KCNC2: variants seen among roughly 807,000 people sequenced by gnomAD.
The protein encoded by KCNC2 is voltage-gated potassium channel KCNC2.
Under a neutral mutation model 44.5 loss-of-function variants are expected in KCNC2, and 21 were observed. The observed-to-expected ratio is 0.47, with a 90% CI of 0.33 to 0.68. The LOEUF (loss-of-function observed/expected upper bound fraction) is 0.68, where lower values mean the gene tolerates loss of function less well. KCNC2 is among the 30% of genes least tolerant of loss of function. The pLI, the probability that KCNC2 is intolerant of heterozygous loss-of-function variation, is 0.01. For missense variants in KCNC2, 589 were observed against 826.2 expected, an observed-to-expected ratio of 0.71 and a Z score of 3.52; for synonymous variants, 391 against 339.1, an observed-to-expected ratio of 1.15 and a Z score of -1.68.
chr12:75,171,971 T>C (rs764819018), intron 2 of KCNC2, among the ~76,000 whole-genome samples: 8 of 151,720 alleles, frequency 5.3e-5, no homozygotes, highest in Non-Finnish European at 8.8e-5. Flanking sequence ...GGATGTTATC[T>C]GCAAACCTGC....
At chr12:75,127,115 A>G (rs1888482865) in intron 2 of KCNC2, among the ~76,000 whole-genome samples, 1 of 152,174 alleles carries the variant, frequency 6.6e-6, no homozygotes, top group Admixed American at 6.5e-5. Flanking sequence ...AGAGTTATGA[A>G]TGGGAACTCA....
At chr12:75,055,125 G>A (rs1158947783) in intron 2 of KCNC2, among the ~76,000 whole-genome samples, 1 of 151,916 alleles carries the variant, frequency 6.6e-6, no homozygotes, top group African/African-American at 2.4e-5. Flanking sequence ...GGACTAGACT[G>A]GCATCATATT....
At position 75,118,574 on chromosome 12, in the gene KCNC2, A is replaced by G. The variant is rs538561754; in HGVS notation, c.688-67257T>C. 4.6e-5 allele frequency among the ~76,000 whole-genome samples: 7 copies of G among 152,200 alleles called. No homozygotes were observed. In the East Asian group the frequency reaches 1.4e-3, roughly 30 times the overall value. On this transcript the variant is annotated intron_variant, in intron 2 of 4. Coordinates refer to ENST00000549446, the MANE Select transcript of KCNC2 (RefSeq NM_139137.4). ...GCTGGCAAAGAGCAGAAAGAAGACC[A>G]GTGGGGCCAGAATGCTGTGAGGAAG...
intron 2 of KCNC2, among the ~76,000 whole-genome samples, chr12:75,158,698 C>T (rs12824008): frequency 6.6e-6 from 1 of 151,092 alleles, no homozygotes; most frequent in South Asian, 2.1e-4. Context: ...ATTTTTTTTT[C>T]CCAAAAAACC....
intron 2 of KCNC2, among the ~76,000 whole-genome samples, chr12:75,170,491 A>G (rs940484476): frequency 2.6e-5 from 4 of 151,800 alleles, no homozygotes; most frequent in Non-Finnish European, 4.4e-5. Flanking sequence ...CACTCAATTT[A>G]CAGATGAAAA....
In KCNC2 at chr12:75,041,239, A is replaced by G. The variant is rs1879868345; in HGVS notation, c.*1866T>C. The G allele has an allele frequency of 6.3e-7, 1 of 1,592,592 alleles. No individual in the cohort carries two copies. The highest frequency in any genetic ancestry group is 1.3e-5 in the African/African-American group (1 of 74,696). ...CAATAACAGCAGCACCAGACAGCAT[A>G]TTAATTCTTTTACCATAAATTTGTG... On this transcript the variant is annotated 3_prime_UTR_variant, in exon 5 of 5. Transcript: ENST00000549446.
At chr12:75,157,493 C>G (rs1378477487) in intron 2 of KCNC2, among the ~76,000 whole-genome samples, 1 of 151,890 alleles carries the variant, frequency 6.6e-6, no homozygotes, top group Non-Finnish European at 1.5e-5. Context: ...CAATCTCTAA[C>G]TAATAGATTT....
intron 2 of KCNC2, among the ~76,000 whole-genome samples, chr12:75,201,997 C>T (rs1200041949): frequency 6.6e-6 from 1 of 151,826 alleles, no homozygotes; most frequent in Non-Finnish European, 1.5e-5. Flanking sequence ...GAATACAATA[C>T]TTGAAAATGA....
chr12:75,092,797 T>A (rs537519115), intron 2 of KCNC2, among the ~76,000 whole-genome samples: 1 of 151,704 alleles, frequency 6.6e-6, no homozygotes, highest in Non-Finnish European at 1.5e-5. Context: ...TATGAAGTAT[T>A]ACATTTCAGT....
chr12:75,112,411 CT>C (rs1453985102), intron 2 of KCNC2, among the ~76,000 whole-genome samples: 1 of 151,980 alleles, frequency 6.6e-6, no homozygotes, highest in Non-Finnish European at 1.5e-5. Flanking sequence ...AAGTTCTGTG[CT>C]TTTTTTCTTA....
chr12:75,203,698 A>G (rs2031473682), intron 2 of KCNC2, among the ~76,000 whole-genome samples: 2 of 151,954 alleles, frequency 1.3e-5, no homozygotes, highest in Admixed American at 1.3e-4. Context: ...GGAAGAGCCA[A>G]CATTCTAAAA....
At chr12:75,188,221 A>C (rs891201011) in intron 2 of KCNC2, among the ~76,000 whole-genome samples, 1 of 152,316 alleles carries the variant, frequency 6.6e-6, no homozygotes, top group South Asian at 2.1e-4. Context: ...CTGTTTCAAA[A>C]ATTAGAATTA....
intron 2 of KCNC2, among the ~76,000 whole-genome samples, chr12:75,169,434 T>A (rs1222162185): frequency 6.6e-6 from 1 of 151,562 alleles, no homozygotes; most frequent in Non-Finnish European, 1.5e-5. Flanking sequence ...CATTTAAGTG[T>A]GCAAAATGAT....
At chr12:75,082,607 C>T (rs1169142459) in intron 2 of KCNC2, among the ~76,000 whole-genome samples, 2 of 149,128 alleles carry the variant, frequency 1.3e-5, no homozygotes, top group African/African-American at 2.5e-5. Flanking sequence ...TGCAGTGCTG[C>T]TTTTCACAGT....
At chr12:75,201,097 C>T (rs1007190947) in intron 2 of KCNC2, among the ~76,000 whole-genome samples, 1 of 150,838 alleles carries the variant, frequency 6.6e-6, no homozygotes, top group African/African-American at 2.4e-5. Context: ...GGTTTCATGA[C>T]AGAGCCACAG....
chr12:75,194,599 A>C lies in KCNC2; in HGVS notation c.687+12698T>G, dbSNP rs567143285. Among the ~76,000 whole-genome samples, 49 of 152,302 alleles carry C rather than the reference A, an allele frequency of 3.2e-4. No individual in the cohort carries two copies. In the South Asian group the frequency reaches 4.6e-3, roughly 14 times the overall value. ...TAAGTGCTATAATACAATGTCTATA[A>C]AGTGACGTGGAAACTCAGAGAGAGA... On this transcript the variant is annotated intron_variant, in intron 2 of 4. Coordinates refer to ENST00000549446, the MANE Select transcript of KCNC2 (RefSeq NM_139137.4).
At chr12:75,126,078 T>C (rs1888402265) in intron 2 of KCNC2, among the ~76,000 whole-genome samples, 1 of 152,160 alleles carries the variant, frequency 6.6e-6, no homozygotes, top group Non-Finnish European at 1.5e-5. Flanking sequence ...CTGATGAGCT[T>C]ATGAGCAAAA....
intron 2 of KCNC2, among the ~76,000 whole-genome samples, chr12:75,087,475 A>G (rs1417226429): frequency 1.3e-5 from 2 of 152,246 alleles, no homozygotes; most frequent in Non-Finnish European, 2.9e-5. Flanking sequence ...CATTTCAGCA[A>G]TGTTTAAACC....
rs540479770 is a variant in KCNC2, at chr12:75,131,978, G to A, written c.687+75319C>T. Reference sequence around the variant, plus strand: ...TAAACCACGAAGATTGTGTTAATTTGTTACAGTAGCCACAGAAAACTAATG... The same window carrying A: ...TAAACCACGAAGATTGTGTTAATTTATTACAGTAGCCACAGAAAACTAATG... On this transcript the variant is annotated intron_variant, in intron 2 of 4. Transcript: ENST00000549446. 3.9e-5 allele frequency among the ~76,000 whole-genome samples: 6 copies of A among 152,216 alleles called. No individual in the cohort carries two copies. The South Asian group carries it at 1.2e-3, about 32-fold the overall frequency.
Sources: allele counts gnomAD v4.1 joint callset (sites outside exome capture counted in the v4.1 genomes callset), GRCh38; gene constraint gnomAD v4.1.1; transcripts MANE v1.5; gene names NCBI Gene and HGNC (gene_info 2026-07-23, HGNC 2026-07-21).